Variants in ITGA1 observed in about 807,000 individuals in gnomAD.
ITGA1 encodes the protein integrin alpha-1.
Under a neutral mutation model 145.9 loss-of-function variants are expected in ITGA1, and 85 were observed. That is an observed-to-expected ratio of 0.58 (90% confidence interval 0.49 to 0.70). ITGA1 has a LOEUF of 0.70. Among genes scored for constraint, ITGA1 ranks in the 30% least tolerant of loss-of-function variants. The probability of loss-of-function intolerance (pLI) is 0.00; values close to 1 mark genes in which losing one functional copy is unlikely to be tolerated. For synonymous variants in ITGA1, 520 were observed against 495.3 expected, an observed-to-expected ratio of 1.05 and a Z score of -0.66; for missense variants, 1,351 against 1,418.7, an observed-to-expected ratio of 0.95 and a Z score of 0.77.
intron 1 of ITGA1, among the ~76,000 whole-genome samples, chr5:52,845,492 A>G (rs1749318614): frequency 6.6e-6 from 1 of 152,200 alleles, no homozygotes; most frequent in Non-Finnish European, 1.5e-5. Context: ...ACAAGCTCCC[A>G]GGTGATACAG....
At chr5:52,818,580 T>C (rs1748814790) in intron 1 of ITGA1, among the ~76,000 whole-genome samples, 1 of 152,200 alleles carries the variant, frequency 6.6e-6, no homozygotes, top group African/African-American at 2.4e-5. Context: ...CCTTAAACAA[T>C]GCCTTTTAGA....
rs369397740 is a variant in ITGA1 at position 52,944,953 on chromosome 5, C to G, written c.3296C>G (p.Ser1099Cys). 3 of 1,609,394 alleles carry G rather than the reference C, an allele frequency of 1.9e-6. No homozygotes were observed. The highest frequency in any genetic ancestry group is 2.5e-6 in the Non-Finnish European group (3 of 1,176,742). ...WKPTFIKSYF[S>C]SLNLTIRGEL... The stretch of plus-strand genomic sequence containing the variant: ...CTATTTGCTTTTCAGTCATATTTTT[C>G]CAGCTTAAATCTTACTATAAGGGGA... Residue 1099 changes from serine (S) to cysteine (C), a missense_variant, in exon 27 of 29, where the codon TCC (serine) becomes TGC (cysteine). Physicochemically the swap from Ser to Cys is moderately radical, Grantham distance 112. Coordinates refer to ENST00000282588, the MANE Select transcript of ITGA1 (RefSeq NM_181501.2).
intron 2 of ITGA1, among the ~76,000 whole-genome samples, chr5:52,850,965 C>G (rs1174083712): frequency 6.6e-6 from 1 of 152,144 alleles, no homozygotes; most frequent in Non-Finnish European, 1.5e-5. Context: ...TGTGCGTAAG[C>G]TATAATAAAC....
At chr5:52,855,725 T>C (rs1749502383) in intron 2 of ITGA1, among the ~76,000 whole-genome samples, 1 of 152,200 alleles carries the variant, frequency 6.6e-6, no homozygotes, top group South Asian at 2.1e-4. Flanking sequence ...CCTATGCTAA[T>C]ACTTTTCTAG....
intron 1 of ITGA1, among the ~76,000 whole-genome samples, chr5:52,807,542 G>C (rs1269215091): frequency 6.6e-6 from 1 of 151,976 alleles, no homozygotes; most frequent in Non-Finnish European, 1.5e-5. Context: ...TTTCAGTTTG[G>C]AGTAGGCAAA....
chr5:52,818,961 C>T (rs567086988), intron 1 of ITGA1, among the ~76,000 whole-genome samples: 2 of 152,216 alleles, frequency 1.3e-5, no homozygotes, highest in South Asian at 4.1e-4. Context: ...TATCTCATTC[C>T]TGTGTGAGTT....
intron 13 of ITGA1, 44 bp from the exon 14 acceptor site, chr5:52,910,118 G>C (rs1750479648): frequency 1.3e-6 from 2 of 1,564,076 alleles, no homozygotes; most frequent in East Asian, 2.3e-5. Flanking sequence ...CTCTGCTGTA[G>C]TAATGATGGA....
At chr5:52,820,353 T>TCA (rs1258292889) in intron 1 of ITGA1, among the ~76,000 whole-genome samples, 1 of 68,596 alleles carries the variant, frequency 1.5e-5, no homozygotes, top group East Asian at 4.6e-4. Context: ...AAGGGGAACA[T>TCA]CACACATCAG....
chr5:52,794,088 A>G (rs1442368072), intron 1 of ITGA1, among the ~76,000 whole-genome samples: 2 of 152,022 alleles, frequency 1.3e-5, no homozygotes, highest in African/African-American at 2.4e-5. Flanking sequence ...AAAAAAATCA[A>G]TTTTATCCAA....
At chr5:52,942,352 T>C (rs1216144696) in intron 26 of ITGA1, among the ~76,000 whole-genome samples, 4 of 152,234 alleles carry the variant, frequency 2.6e-5, no homozygotes, top group Non-Finnish European at 5.9e-5. Context: ...GTTAAATCTA[T>C]ACATTGCTTT....
chr5:52,789,442 T>G (rs939271854), intron 1 of ITGA1, among the ~76,000 whole-genome samples: 2 of 152,224 alleles, frequency 1.3e-5, no homozygotes, highest in African/African-American at 4.8e-5. Context: ...GCCAGCTAGT[T>G]TAGACCTGCC....
intron 7 of ITGA1, among the ~76,000 whole-genome samples, chr5:52,884,697 G>T (rs1391005063): frequency 6.6e-6 from 1 of 152,150 alleles, no homozygotes; most frequent in Non-Finnish European, 1.5e-5. Context: ...GGCTCAACAG[G>T]ATTCTTGCTG....
chr5:52,917,486 T>A (rs1579719320), intron 15 of ITGA1, among the ~76,000 whole-genome samples: 1 of 151,448 alleles, frequency 6.6e-6, no homozygotes, highest in Non-Finnish European at 1.5e-5. Context: ...ACCTTTTTTT[T>A]AAATTAAGCT....
intron 14 of ITGA1, 122 bp downstream of exon 14, chr5:52,910,541 T>C (rs1750488853): frequency 9.9e-7 from 1 of 1,006,086 alleles, no homozygotes; most frequent in East Asian, 2.6e-5. Flanking sequence ...GGAAACTGGA[T>C]TTAATTCTCT....
At chr5:52,788,532 G>C in intron 1 of ITGA1, 118 bp downstream of exon 1, 2 of 768,266 alleles carry the variant, frequency 2.6e-6, no homozygotes, top group South Asian at 2.3e-5. Flanking sequence ...TCCACTTTCG[G>C]GCATTCCAGG....
intron 14 of ITGA1, among the ~76,000 whole-genome samples, chr5:52,910,945 G>A (rs10046041): frequency 7.4e-5 from 10 of 134,240 alleles, no homozygotes; most frequent in South Asian, 4.7e-4. Flanking sequence ...TATGTATACT[G>A]TATATAGTAT....
intron 14 of ITGA1, among the ~76,000 whole-genome samples, chr5:52,913,031 C>T (rs1471861595): frequency 2.0e-5 from 3 of 152,092 alleles, no homozygotes; most frequent in African/African-American, 7.2e-5. Context: ...CAGGCGTGAG[C>T]CACCGTGCCT....
At chr5:52,913,102 T>A (rs1254480882) in intron 14 of ITGA1, among the ~76,000 whole-genome samples, 3 of 152,088 alleles carry the variant, frequency 2.0e-5, no homozygotes, top group African/African-American at 7.2e-5. Flanking sequence ...TTATTTTCCA[T>A]ATCTCCAGGA....
At position 52,800,607 on chromosome 5, in the gene ITGA1, C is replaced by T. The variant is rs767556330; in HGVS notation, c.61+12193C>T. The T allele has an allele frequency of 4.3e-6, 7 of 1,613,598 alleles. No individual in the cohort carries two copies. The African/African-American group carries it at 6.7e-5, about 15-fold the overall frequency. ...CTACCCTCACTCTCTGCGTGGAGGC[C>T]ATCGACTTCGACTCTCAAGCCTGCC... is the stretch of plus-strand genomic sequence containing the variant. On this transcript the variant is annotated intron_variant, in intron 1 of 28. Coordinates refer to ENST00000282588, the MANE Select transcript of ITGA1 (RefSeq NM_181501.2).
Sources: allele counts gnomAD v4.1 joint callset (sites outside exome capture counted in the v4.1 genomes callset), GRCh38; gene constraint gnomAD v4.1.1; transcripts MANE v1.5; gene names NCBI Gene and HGNC (gene_info 2026-07-23, HGNC 2026-07-21).